Variants in PTPRC observed in about 807,000 individuals in gnomAD.
PTPRC encodes receptor-type tyrosine-protein phosphatase C.
A neutral mutation model predicts 155.9 loss-of-function variants in PTPRC; 44 were observed. That is an observed-to-expected ratio of 0.28 (90% confidence interval 0.22 to 0.36). PTPRC has a LOEUF of 0.36. Among genes scored for constraint, PTPRC ranks in the 10% least tolerant of loss-of-function variants. The pLI, the probability that PTPRC is intolerant of heterozygous loss-of-function variation, is 1.00. For synonymous variants in PTPRC, 525 were observed against 533.1 expected (o/e 0.98, Z 0.21); for missense variants, 1,401 against 1,564.6 (o/e 0.90, Z 1.76).
intron 2 of PTPRC, among the ~76,000 whole-genome samples, chr1:198,640,432 A>G (rs1254890351): frequency 6.6e-6 from 1 of 151,902 alleles, no homozygotes; most frequent in Non-Finnish European, 1.5e-5. Context: ...TACATTGACA[A>G]TTTCTATTTG....
chr1:198,683,670 A>G (rs1665463053), intron 2 of PTPRC, among the ~76,000 whole-genome samples: 1 of 152,076 alleles, frequency 6.6e-6, no homozygotes, highest in African/African-American at 2.4e-5. Context: ...CAAACCTACT[A>G]AATCAGATTT....
At chr1:198,729,800 A>G (rs1654306359) in intron 17 of PTPRC, among the ~76,000 whole-genome samples, 1 of 152,166 alleles carries the variant, frequency 6.6e-6, no homozygotes, top group Non-Finnish European at 1.5e-5. Flanking sequence ...TTGAATGTGT[A>G]TAGTTCTATA....
chr1:198,671,925 T>C (rs2102295507), intron 2 of PTPRC, among the ~76,000 whole-genome samples: 1 of 152,342 alleles, frequency 6.6e-6, no homozygotes, highest in South Asian at 2.1e-4. Flanking sequence ...ATTTCTGCAG[T>C]AGTCTCTGAG....
In PTPRC at chr1:198,704,324, T is replaced by C. The variant is rs559721560; in HGVS notation, c.659-148T>C. On this transcript the variant is annotated intron_variant, in intron 7 of 32. Coordinates refer to ENST00000442510, the MANE Select transcript of PTPRC (RefSeq NM_002838.5). Reference sequence around the variant, plus strand: ...TGCTTTAAGTTTTGAAATGAAAACCTGTACTAGGCAAATCCTTCATATTCT... The same window carrying C: ...TGCTTTAAGTTTTGAAATGAAAACCCGTACTAGGCAAATCCTTCATATTCT... 3.2e-5 allele frequency: 45 copies of C among 1,403,134 alleles called. No individual in the cohort carries two copies. The African/African-American group carries it at 5.8e-4, about 18-fold the overall frequency. The allele number at this position is 1,403,134 out of a possible 1,614,324, so 86.9% of individuals were successfully genotyped here.
At chr1:198,744,518 C>T (rs1655052633) in intron 26 of PTPRC, among the ~76,000 whole-genome samples, 3 of 151,798 alleles carry the variant, frequency 2.0e-5, no homozygotes, top group Non-Finnish European at 4.4e-5. Flanking sequence ...CTGCCAAAGG[C>T]AATACAGCAT....
chr1:198,699,651 G>T lies in PTPRC; in HGVS notation c.386G>T (p.Gly129Val). 1.2e-6 allele frequency: 2 copies of T among 1,614,162 alleles called. No individual in the cohort carries two copies. The highest frequency in any genetic ancestry group is 1.7e-6 in the Non-Finnish European group (2 of 1,180,028). ...SAGTDTQTFS[G>V]SAANAKLNPT... is the part of the protein sequence containing the mutation. ...GGAACTGACACGCAGACATTCAGCGGCTCCGCCGCCAATGCAAAACTCAAC... is the reference window on the plus strand; with the variant it reads ...GGAACTGACACGCAGACATTCAGCGTCTCCGCCGCCAATGCAAAACTCAAC... Residue 129 changes from glycine (G) to valine (V), a missense_variant, in exon 5 of 33, where the codon GGC becomes GTC. This residue lies in a region of PTPRC where 867 missense variants were observed against 970.4 expected (regional missense o/e 0.89). Coordinates refer to ENST00000442510, the MANE Select transcript of PTPRC (RefSeq NM_002838.5).
At chr1:198,694,405 C>T (rs1251475971) in intron 3 of PTPRC, 3 of 1,110,944 alleles carry the variant, frequency 2.7e-6, no homozygotes, top group Admixed American at 4.2e-5. Flanking sequence ...CTCACAGGCA[C>T]ACCCAGGAAC....
intron 2 of PTPRC, among the ~76,000 whole-genome samples, chr1:198,643,645 A>G (rs897931882): frequency 1.3e-5 from 2 of 152,012 alleles, no homozygotes; most frequent in South Asian, 4.1e-4. Context: ...TAGTTTGAGA[A>G]TGTTTTTCCT....
intron 2 of PTPRC, among the ~76,000 whole-genome samples, chr1:198,662,716 T>C (rs916749855): frequency 6.6e-6 from 1 of 152,182 alleles, no homozygotes; most frequent in Non-Finnish European, 1.5e-5. Flanking sequence ...CATTGACCAG[T>C]ATTCCTTTCT....
At chr1:198,727,507 G>A (rs1654194027) in intron 15 of PTPRC, among the ~76,000 whole-genome samples, 3 of 152,106 alleles carry the variant, frequency 2.0e-5, no homozygotes, top group South Asian at 2.1e-4. Flanking sequence ...CCCAGCCACC[G>A]TGCTACGTGT....
chr1:198,739,878 T>A (rs768614929), intron 23 of PTPRC, among the ~76,000 whole-genome samples: 1 of 151,820 alleles, frequency 6.6e-6, no homozygotes, highest in African/African-American at 2.4e-5. Flanking sequence ...AAACTTTTCT[T>A]TGACTACAGT....
At position 198,734,258 on chromosome 1, in the gene PTPRC, C is replaced by A. The variant is rs762514382; in HGVS notation, c.2179+26C>A. 2.5e-6 allele frequency: 4 copies of A among 1,610,162 alleles called. No homozygotes were observed. In the African/African-American group the frequency reaches 5.4e-5, roughly 22 times the overall value. On this transcript the variant is annotated intron_variant, in intron 21 of 32. Transcript: ENST00000442510. The stretch of plus-strand genomic sequence containing the variant: ...GTAATTTCTTTGATAATCCAATATT[C>A]TTTTTGAAAAATTTTTATAGCACTT...
intron 2 of PTPRC, among the ~76,000 whole-genome samples, chr1:198,685,244 CTA>C (rs2102344810): frequency 6.6e-6 from 1 of 152,000 alleles, no homozygotes; most frequent in African/African-American, 2.4e-5. Flanking sequence ...TAAATAGACA[CTA>C]TTTCAAATCT....
At chr1:198,728,998 C>G in intron 16 of PTPRC, 139 bp from the exon 17 acceptor site, 1 of 901,706 alleles carries the variant, frequency 1.1e-6, no homozygotes, top group East Asian at 3.1e-5. Flanking sequence ...CTTTCCTCTT[C>G]TCCTCTCCTC....
chr1:198,730,039 A>G (rs537718136), intron 17 of PTPRC, among the ~76,000 whole-genome samples: 6 of 152,264 alleles, frequency 3.9e-5, no homozygotes, highest in African/African-American at 1.4e-4. Flanking sequence ...TTGGGAGAAG[A>G]AAACACATTT....
At chr1:198,750,095 ATTAGT>A (rs1209948212) in intron 28 of PTPRC, among the ~76,000 whole-genome samples, 5 of 151,926 alleles carry the variant, frequency 3.3e-5, no homozygotes, top group Non-Finnish European at 5.9e-5. Context: ...TTCATAGAAT[ATTAGT>A]TTAATTAGGA....
At chr1:198,664,347 C>T (rs939380862) in intron 2 of PTPRC, among the ~76,000 whole-genome samples, 3 of 152,192 alleles carry the variant, frequency 2.0e-5, no homozygotes, top group Admixed American at 6.5e-5. Context: ...CGAATTATTT[C>T]GGTAGCAAGA....
chr1:198,728,237 A>G (rs953306536), intron 15 of PTPRC, 103 bp from the exon 16 acceptor site: 1 of 856,460 alleles, frequency 1.2e-6, no homozygotes, highest in African/African-American at 1.7e-5. Context: ...CCTCACAATA[A>G]ATTTAAAAAT....
intron 10 of PTPRC, among the ~76,000 whole-genome samples, chr1:198,709,157 A>T (rs1219004308): frequency 6.6e-6 from 1 of 152,222 alleles, no homozygotes; most frequent in Non-Finnish European, 1.5e-5. Flanking sequence ...GGGCATCCCT[A>T]ATCTGAAAAT....
Sources: allele counts gnomAD v4.1 joint callset (sites outside exome capture counted in the v4.1 genomes callset), GRCh38; gene constraint gnomAD v4.1.1; regional missense constraint gnomAD v4.1.1; transcripts MANE v1.5; gene names NCBI Gene and HGNC (gene_info 2026-07-23, HGNC 2026-07-21).